Variants in MEGF11 observed in about 807,000 individuals in gnomAD.
MEGF11 encodes the protein multiple epidermal growth factor-like domains protein 11.
MEGF11 carries 126 observed loss-of-function variants against 146.6 expected under a neutral mutation model. The observed-to-expected ratio is 0.86, with a 90% CI of 0.74 to 1.00. MEGF11 has a LOEUF of 1.00. MEGF11 is among the 50% of genes least tolerant of loss of function. The probability of loss-of-function intolerance (pLI) is 0.00; values close to 1 mark genes in which losing one functional copy is unlikely to be tolerated. For missense variants in MEGF11, 1,509 were observed against 1,521.2 expected, an observed-to-expected ratio of 0.99 and a Z score of 0.13; for synonymous variants, 532 against 583.4, an observed-to-expected ratio of 0.91 and a Z score of 1.27.
At chr15:66,029,325 G>A (rs1044909478) in intron 5 of MEGF11, among the ~76,000 whole-genome samples, 2 of 152,162 alleles carry the variant, frequency 1.3e-5, no homozygotes, top group Admixed American at 6.5e-5. Context: ...TTCTCTGCTG[G>A]AGCCTTGCCC....
chr15:66,216,497 C>T (rs1236250916), intron 1 of MEGF11, among the ~76,000 whole-genome samples: 1 of 152,178 alleles, frequency 6.6e-6, no homozygotes, highest in Non-Finnish European at 1.5e-5. Flanking sequence ...AGCTGGTACT[C>T]AGCCATGTTT....
At chr15:66,075,632 C>A (rs150067938) in intron 5 of MEGF11, among the ~76,000 whole-genome samples, 1 of 152,298 alleles carries the variant, frequency 6.6e-6, no homozygotes, top group African/African-American at 2.4e-5. Flanking sequence ...CCCCAGATCA[C>A]ATTGAAGACA....
rs775300026 is a variant in MEGF11 at position 65,916,129 on chromosome 15, A to AG, written c.2344+18dup. The AG allele has an allele frequency of 6.4e-7, 1 of 1,571,000 alleles. No individual in the cohort carries two copies. The highest frequency in any genetic ancestry group is 1.3e-5 in the African/African-American group (1 of 74,240). On this transcript the variant is annotated intron_variant, in intron 18 of 25. Transcript: ENST00000395614. ...GGGCCCAGCAGCATCACCCAGGATC[A>AG]GGGGTCAGGGCAGCTTACTCTGCTC...
At chr15:65,984,619 A>G (rs573197663) in intron 5 of MEGF11, among the ~76,000 whole-genome samples, 1 of 147,314 alleles carries the variant, frequency 6.8e-6, no homozygotes, top group Non-Finnish European at 1.5e-5. Flanking sequence ...TCTCTTTGGG[A>G]CACACACTCA....
intron 4 of MEGF11, among the ~76,000 whole-genome samples, chr15:66,109,179 C>G (rs1431277563): frequency 6.6e-6 from 1 of 152,166 alleles, no homozygotes; most frequent in Non-Finnish European, 1.5e-5. Context: ...TCCTTGAACA[C>G]AGCCATCCAT....
chr15:66,084,121 C>A (rs551331735), intron 5 of MEGF11, among the ~76,000 whole-genome samples: 1 of 152,226 alleles, frequency 6.6e-6, no homozygotes, highest in Admixed American at 6.5e-5. Flanking sequence ...GTATAGCCTA[C>A]CACACACCTA....
intron 1 of MEGF11, among the ~76,000 whole-genome samples, chr15:66,181,424 G>T (rs1358956082): frequency 6.6e-6 from 1 of 152,090 alleles, no homozygotes; most frequent in Non-Finnish European, 1.5e-5. Context: ...ATGCACACAC[G>T]CATGCACACA....
intron 5 of MEGF11, among the ~76,000 whole-genome samples, chr15:66,061,965 G>T (rs550409568): frequency 6.0e-4 from 91 of 152,306 alleles, no homozygotes; most frequent in African/African-American, 1.9e-3. Flanking sequence ...AGACAGTCTT[G>T]CCCAGGCTGG....
intron 1 of MEGF11, among the ~76,000 whole-genome samples, chr15:66,196,354 C>T (rs770965440): frequency 2.0e-5 from 3 of 152,048 alleles, no homozygotes; most frequent in Non-Finnish European, 4.4e-5. Context: ...CGCCTGTAAT[C>T]CCAGCTACTC....
intron 1 of MEGF11, among the ~76,000 whole-genome samples, chr15:66,236,712 T>A (rs1310284418): frequency 1.3e-5 from 2 of 152,156 alleles, no homozygotes; most frequent in Admixed American, 1.3e-4. Flanking sequence ...CCGTGCCTCC[T>A]GGCTGTGGTG....
intron 10 of MEGF11, 139 bp downstream of exon 10, chr15:65,957,408 C>G (rs2080691725): frequency 2.6e-6 from 2 of 782,230 alleles, no homozygotes; most frequent in East Asian, 5.4e-5. Flanking sequence ...TTCAGGGGCT[C>G]TCCCCTCATG....
At chr15:66,135,133 C>T (rs570126466) in intron 1 of MEGF11, among the ~76,000 whole-genome samples, 2 of 152,190 alleles carry the variant, frequency 1.3e-5, no homozygotes, top group Non-Finnish European at 2.9e-5. Context: ...GTGGTTGGCC[C>T]AAGGTCTGGC....
intron 1 of MEGF11, among the ~76,000 whole-genome samples, chr15:66,151,997 C>T (rs1398441240): frequency 3.9e-5 from 6 of 152,244 alleles, no homozygotes; most frequent in African/African-American, 7.2e-5. Context: ...GCAGCAGCAC[C>T]GCCCTTCACC....
At chr15:66,038,864 G>A (rs1323437749) in intron 5 of MEGF11, among the ~76,000 whole-genome samples, 2 of 152,174 alleles carry the variant, frequency 1.3e-5, no homozygotes, top group Non-Finnish European at 2.9e-5. Flanking sequence ...ATCCAAAGCA[G>A]GAGGGGAAAA....
intron 1 of MEGF11, among the ~76,000 whole-genome samples, chr15:66,194,048 C>T (rs2140062281): frequency 6.6e-6 from 1 of 152,300 alleles, no homozygotes; most frequent in Admixed American, 6.5e-5. Flanking sequence ...GATACTTGCA[C>T]ATGCATGTTT....
intron 1 of MEGF11, among the ~76,000 whole-genome samples, chr15:66,194,516 G>A (rs900422844): frequency 2.0e-5 from 3 of 152,186 alleles, no homozygotes; most frequent in African/African-American, 7.2e-5. Flanking sequence ...GCTGAGACAG[G>A]AGAATCGCTT....
At chr15:65,935,759 C>T (rs569936241) in intron 10 of MEGF11, among the ~76,000 whole-genome samples, 5 of 152,310 alleles carry the variant, frequency 3.3e-5, no homozygotes, top group Admixed American at 6.5e-5. Context: ...CTCACTGTCC[C>T]GGCCCCCTGG....
intron 7 of MEGF11, among the ~76,000 whole-genome samples, chr15:65,980,376 G>A (rs985030491): frequency 6.8e-6 from 1 of 146,822 alleles, no homozygotes; most frequent in Non-Finnish European, 1.5e-5. Context: ...AGGGTATTCA[G>A]AGTGGGAGAA....
chr15:66,131,160 C>A (rs931659326), intron 1 of MEGF11, among the ~76,000 whole-genome samples: 5 of 152,212 alleles, frequency 3.3e-5, no homozygotes, highest in Non-Finnish European at 5.9e-5. Flanking sequence ...GGCACCATGG[C>A]TGCTTTACAA....
Sources: allele counts gnomAD v4.1 joint callset (sites outside exome capture counted in the v4.1 genomes callset), GRCh38; gene constraint gnomAD v4.1.1; transcripts MANE v1.5; gene names NCBI Gene and HGNC (gene_info 2026-07-23, HGNC 2026-07-21).